EZR: variants seen among roughly 807,000 people sequenced by gnomAD.
EZR encodes the protein cytovillin 2.
EZR carries 40 observed loss-of-function variants against 74.8 expected under a neutral mutation model. The ratio of observed to expected loss-of-function variants is 0.53; its 90% CI spans 0.42 to 0.70. The LOEUF (loss-of-function observed/expected upper bound fraction) is 0.70, where lower values mean the gene tolerates loss of function less well. EZR is among the 30% of genes least tolerant of loss of function. The probability of loss-of-function intolerance (pLI) is 0.00; values close to 1 mark genes in which losing one functional copy is unlikely to be tolerated. For missense variants in EZR, 678 were observed against 755.8 expected (o/e 0.90, Z 1.21); for synonymous variants, 341 against 283.3 (o/e 1.20, Z -2.05).
chr6:158,778,000 A>G (rs1791328324), intron 7 of EZR, among the ~76,000 whole-genome samples: 1 of 152,112 alleles, frequency 6.6e-6, no homozygotes, highest in Admixed American at 6.5e-5. Context: ...CAGGTTTCAG[A>G]GCATTAAAGG....
intron 2 of EZR, among the ~76,000 whole-genome samples, chr6:158,804,226 G>T (rs1221923174): frequency 6.6e-6 from 1 of 152,032 alleles, no homozygotes; most frequent in African/African-American, 2.4e-5. Flanking sequence ...TACATTGTGT[G>T]TTATCTAACA....
chr6:158,809,551 C>T (rs1777410282), intron 2 of EZR, among the ~76,000 whole-genome samples: 1 of 152,242 alleles, frequency 6.6e-6, no homozygotes, highest in African/African-American at 2.4e-5. Flanking sequence ...CACGATGCCT[C>T]TCCTCAGTAG....
chr6:158,787,255 G>A, intron 3 of EZR, 52 bp from the exon 4 acceptor site: 1 of 1,489,716 alleles, frequency 6.7e-7, no homozygotes, highest in South Asian at 1.1e-5. Flanking sequence ...ACTCAAAAGG[G>A]CAACAGCTTT....
rs1017421935 is a variant in EZR, at chr6:158,818,185, C to T, written c.-73-19G>A. 7.2e-7 allele frequency: 1 copy of T among 1,391,316 alleles called. No individual in the cohort carries two copies. The highest frequency in any genetic ancestry group is 1.3e-5 in the South Asian group (1 of 78,306). 86.2% of individuals were successfully genotyped at this position (1,391,316 alleles called of 1,614,324 possible). A position where few individuals can be genotyped will look rare whatever the true frequency, so the allele number is the denominator to read the frequency against. On this transcript the variant is annotated intron_variant, in intron 1 of 13. Transcript: ENST00000367075. ...TCCCAACCTGGAGTCAGAGCAGAAC[C>T]CTTAGAGCGCCCGCCCGCCCTGCCT...
intron 12 of EZR, 47 bp from the exon 13 acceptor site, chr6:158,767,559 T>TC (rs1562488295): frequency 2.0e-6 from 3 of 1,531,420 alleles, no homozygotes; most frequent in Admixed American, 2.0e-5. Context: ...AGAAGTCCTA[T>TC]CCTCCTGGCT....
At chr6:158,789,461 T>C (rs999022998) in intron 2 of EZR, 90 bp from the exon 3 acceptor site, 4 of 1,170,976 alleles carry the variant, frequency 3.4e-6, no homozygotes, top group Non-Finnish European at 5.1e-6. Flanking sequence ...TGCTCCTCAG[T>C]GTGGCGACGG....
rs60330512 is a variant in EZR at position 158,803,606 on chromosome 6, CATATAT to C, written c.13-14241_13-14236del. ...ACATATATATATATATATATATATA[CATATAT>C]ATATATATATATACATATACATACA... On this transcript the variant is annotated intron_variant, in intron 2 of 13. Transcript: ENST00000367075. Among the ~76,000 whole-genome samples, 12 of 36,048 alleles carry C rather than the reference CATATAT, an allele frequency of 3.3e-4. 1 individual carries two copies. Among genetic ancestry groups the C allele is most frequent in the East Asian group, 1.3e-3 (1 of 790 alleles). The allele number at this position is 36,048 out of a possible 152,430, so 23.6% of individuals were successfully genotyped here. A position where few individuals can be genotyped will look rare whatever the true frequency, so the allele number is the denominator to read the frequency against.
chr6:158,796,053 G>A (rs1777063817), intron 2 of EZR, among the ~76,000 whole-genome samples: 1 of 152,186 alleles, frequency 6.6e-6, no homozygotes. Flanking sequence ...AGAGGTGTAA[G>A]TACCCCCTGA....
chr6:158,788,919 G>A (rs935583594), intron 3 of EZR, among the ~76,000 whole-genome samples: 26 of 152,186 alleles, frequency 1.7e-4, no homozygotes, highest in African/African-American at 5.8e-4. Flanking sequence ...GGAGGCAGCT[G>A]CGGGTAGGAA....
chr6:158,767,915 C>T (rs188395559), intron 12 of EZR, among the ~76,000 whole-genome samples: 3 of 152,192 alleles, frequency 2.0e-5, no homozygotes, highest in South Asian at 2.1e-4. Context: ...CACCCAGTCC[C>T]GCCCGCCTCC....
chr6:158,815,193 G>A (rs2128577876), intron 2 of EZR, among the ~76,000 whole-genome samples: 1 of 152,280 alleles, frequency 6.6e-6, no homozygotes, highest in South Asian at 2.1e-4. Context: ...AGAGCTGTTG[G>A]TGGATGTTTC....
At chr6:158,810,690 TGAG>T (rs954279852) in intron 2 of EZR, among the ~76,000 whole-genome samples, 2 of 152,188 alleles carry the variant, frequency 1.3e-5, no homozygotes, top group African/African-American at 4.8e-5. Context: ...GCTTTTTCCT[TGAG>T]AAGACCAATG....
At chr6:158,782,293 C>A (rs1340546700) in intron 7 of EZR, among the ~76,000 whole-genome samples, 1 of 152,162 alleles carries the variant, frequency 6.6e-6, no homozygotes, top group Non-Finnish European at 1.5e-5. Context: ...TGGCAGGAAT[C>A]CGCGTGGTTG....
chr6:158,796,565 A>G (rs1461981424), intron 2 of EZR, among the ~76,000 whole-genome samples: 1 of 152,160 alleles, frequency 6.6e-6, no homozygotes, highest in Non-Finnish European at 1.5e-5. Context: ...CTGGCTTTTG[A>G]CACCATCCCA....
At chr6:158,780,409 G>T (rs2128568722) in intron 7 of EZR, among the ~76,000 whole-genome samples, 1 of 152,276 alleles carries the variant, frequency 6.6e-6, no homozygotes, top group South Asian at 2.1e-4. Context: ...TTTGAGGAAG[G>T]ATATGGATGC....
chr6:158,802,765 C>T (rs1029491999), intron 2 of EZR, among the ~76,000 whole-genome samples: 2 of 152,168 alleles, frequency 1.3e-5, no homozygotes, highest in Non-Finnish European at 2.9e-5. Context: ...CTCCTGACCT[C>T]GTAATCCACC....
At chr6:158,774,709 A>ACG (rs1472039056) in intron 8 of EZR, among the ~76,000 whole-genome samples, 1 of 148,014 alleles carries the variant, frequency 6.8e-6, no homozygotes, top group Non-Finnish European at 1.5e-5. Context: ...ACACACACAC[A>ACG]CACACGCACA....
At chr6:158,809,214 G>A (rs572241768) in intron 2 of EZR, among the ~76,000 whole-genome samples, 34 of 115,688 alleles carry the variant, frequency 2.9e-4, no homozygotes, top group African/African-American at 6.5e-4. Flanking sequence ...GTGCAGTAAA[G>A]TGGGGCACGG....
chr6:158,816,230 T>G (rs1314931503), intron 2 of EZR, among the ~76,000 whole-genome samples: 1 of 152,184 alleles, frequency 6.6e-6, no homozygotes, highest in African/African-American at 2.4e-5. Context: ...AAGATAAAGT[T>G]CTGGAGATGG....
Sources: gnomAD v4.1 joint callset for allele counts (sites outside exome capture counted in the v4.1 genomes callset) on GRCh38, gnomAD v4.1.1 for gene constraint, MANE v1.5 for transcripts, NCBI Gene and HGNC (gene_info 2026-07-23, HGNC 2026-07-21) for gene names.